PACSIN2: variants seen among roughly 807,000 people sequenced by gnomAD.
PACSIN2 encodes protein kinase C and casein kinase substrate in neurons 2.
In PACSIN2, 25 loss-of-function variants were observed where a neutral mutation model predicts 63.8. The observed-to-expected ratio is 0.39, with a 90% CI of 0.29 to 0.55. The LOEUF (loss-of-function observed/expected upper bound fraction) is 0.55. PACSIN2 is among the 20% of genes least tolerant of loss of function. PACSIN2 has a pLI of 0.62. For missense variants in PACSIN2, 518 were observed against 646.9 expected (o/e 0.80, Z 2.16); for synonymous variants, 255 against 256.2 (o/e 1.00, Z 0.05).
chr22:43,012,683 G>A (rs1462436056), intron 1 of PACSIN2, among the ~76,000 whole-genome samples: 1 of 148,224 alleles, frequency 6.7e-6, no homozygotes, highest in African/African-American at 2.5e-5. Flanking sequence ...CAGGAGTTTT[G>A]CTCTTGTTGC....
At chr22:42,955,579 T>G (rs1933882463) in intron 1 of PACSIN2, among the ~76,000 whole-genome samples, 2 of 152,132 alleles carry the variant, frequency 1.3e-5, no homozygotes, top group Admixed American at 1.3e-4. Flanking sequence ...AAATGCAAAC[T>G]CTTCAACCTC....
chr22:42,928,297 G>A (rs1340065702), intron 1 of PACSIN2, among the ~76,000 whole-genome samples: 1 of 152,190 alleles, frequency 6.6e-6, no homozygotes, highest in Non-Finnish European at 1.5e-5. Context: ...CTGAATCTGA[G>A]AGTGCTGTAG....
intron 1 of PACSIN2, among the ~76,000 whole-genome samples, chr22:42,979,962 A>G (rs1395495691): frequency 6.6e-6 from 1 of 152,196 alleles, no homozygotes; most frequent in African/African-American, 2.4e-5. Flanking sequence ...TACAATACAC[A>G]TATAGTATAA....
At position 42,974,652 on chromosome 22, in the gene PACSIN2, G is replaced by A. The variant is rs553378372; in HGVS notation, c.-78+40369C>T. Among the ~76,000 whole-genome samples the A allele has an allele frequency of 1.1e-3, 169 of 151,898 alleles. 1 individual carries two copies. The highest frequency in any genetic ancestry group is 3.7e-3 in the African/African-American group (152 of 41,376). On this transcript the variant is annotated intron_variant, in intron 1 of 10. Coordinates refer to ENST00000263246, the MANE Select transcript of PACSIN2 (RefSeq NM_001184970.3). ...TAATCCCAGCTACTCGGGTGGCTGA[G>A]GCACCGTAACTGCTTAAACCTGGGA...
At position 42,993,538 on chromosome 22, in the gene PACSIN2, T is replaced by C. The variant is rs1027411036; in HGVS notation, c.-78+21483A>G. The C allele has an allele frequency of 5.3e-5, 8 of 152,238 alleles. No homozygotes were observed. In the South Asian group the frequency reaches 1.0e-3, roughly 20 times the overall value. The allele number at this position is 152,238 out of a possible 1,614,324, so 9.4% of individuals were successfully genotyped here. A position where few individuals can be genotyped will look rare whatever the true frequency, so the allele number is the denominator to read the frequency against. On this transcript the variant is annotated intron_variant, in intron 1 of 10. Transcript: ENST00000263246. ...AGCTCTTTTCATCAACATGGAAAGA[T>C]AGGACATTTTAAAATGTAAAAGATA... is the stretch of plus-strand genomic sequence containing the variant.
At chr22:42,890,874 G>T in intron 4 of PACSIN2, 73 bp downstream of exon 4, 1 of 1,215,606 alleles carries the variant, frequency 8.2e-7, no homozygotes, top group Non-Finnish European at 1.2e-6. Flanking sequence ...AGTCCTAGGT[G>T]CAGGAGGTGG....
chr22:42,875,538 C>T (rs978962975), intron 10 of PACSIN2, among the ~76,000 whole-genome samples: 26 of 124,422 alleles, frequency 2.1e-4, no homozygotes, highest in African/African-American at 7.3e-4. Context: ...ATTAGCCCAG[C>T]TAATTTTTTT....
intron 1 of PACSIN2, among the ~76,000 whole-genome samples, chr22:43,008,359 G>A (rs997553173): frequency 6.6e-6 from 1 of 151,590 alleles, no homozygotes; most frequent in African/African-American, 2.4e-5. Context: ...CAAGCCATTC[G>A]CCTGCCTCAG....
chr22:42,989,950 A>G (rs1244556286), intron 1 of PACSIN2, among the ~76,000 whole-genome samples: 1 of 149,266 alleles, frequency 6.7e-6, no homozygotes, highest in African/African-American at 2.5e-5. Context: ...AGCCAGTTCA[A>G]GCATTTAAAC....
intron 1 of PACSIN2, among the ~76,000 whole-genome samples, chr22:43,003,312 A>T (rs1345560160): frequency 2.6e-5 from 4 of 152,240 alleles, no homozygotes; most frequent in Non-Finnish European, 5.9e-5. Flanking sequence ...TCCCAAGCAT[A>T]AAAACAAATA....
At chr22:42,994,197 G>A (rs916651784) in intron 1 of PACSIN2, among the ~76,000 whole-genome samples, 1 of 152,216 alleles carries the variant, frequency 6.6e-6, no homozygotes, top group East Asian at 1.9e-4. Context: ...AGTGCAGTGC[G>A]CTCCTGCTCA....
chr22:42,873,147 G>A (rs1462813434), intron 10 of PACSIN2, among the ~76,000 whole-genome samples: 1 of 152,214 alleles, frequency 6.6e-6, no homozygotes, highest in Non-Finnish European at 1.5e-5. Flanking sequence ...TTCACATTGT[G>A]CAAATGTGAA....
In PACSIN2 at chr22:42,880,501, G is replaced by C. The variant is rs74877980; in HGVS notation, c.907-1332C>G. 3 of 152,232 alleles carry C rather than the reference G, an allele frequency of 2.0e-5. No homozygotes were observed. In the East Asian group the frequency reaches 5.8e-4, roughly 29 times the overall value. 9.4% of individuals were successfully genotyped at this position (152,232 alleles called of 1,614,324 possible). On this transcript the variant is annotated intron_variant, in intron 7 of 10. Coordinates refer to ENST00000263246, the MANE Select transcript of PACSIN2 (RefSeq NM_001184970.3). Reference sequence around the variant, plus strand: ...GGCTCTCAATACCCCTGACAGCAGCGCAGCCTCAGCTGAACTGCTAGGAGC... The same window carrying C: ...GGCTCTCAATACCCCTGACAGCAGCCCAGCCTCAGCTGAACTGCTAGGAGC...
chr22:43,005,511 G>T (rs1347268953), intron 1 of PACSIN2, among the ~76,000 whole-genome samples: 1 of 152,142 alleles, frequency 6.6e-6, no homozygotes, highest in Non-Finnish European at 1.5e-5. Context: ...TAAGTGCCAG[G>T]ATATGAGGGG....
intron 1 of PACSIN2, among the ~76,000 whole-genome samples, chr22:42,967,113 GAA>G (rs11350719): frequency 2.6e-5 from 4 of 151,546 alleles, no homozygotes; most frequent in Admixed American, 2.0e-4. Flanking sequence ...CTCCGTAACA[GAA>G]ACTAGGCAGG....
In PACSIN2 at chr22:42,879,231, G is replaced by C. The variant is rs1307830591; in HGVS notation, c.907-62C>G. 14 of 1,573,998 alleles carry C rather than the reference G, an allele frequency of 8.9e-6. No individual in the cohort carries two copies. In the South Asian group the frequency reaches 1.6e-4, roughly 18 times the overall value. On this transcript the variant is annotated intron_variant, in intron 7 of 10. Coordinates refer to ENST00000263246, the MANE Select transcript of PACSIN2 (RefSeq NM_001184970.3). Reference sequence around the variant, plus strand: ...TCACTACTTGCTGGAAGCCACGTCTGTCCTCAGTTCCTGCCCAGCGAGCCT... The same window carrying C: ...TCACTACTTGCTGGAAGCCACGTCTCTCCTCAGTTCCTGCCCAGCGAGCCT...
intron 1 of PACSIN2, among the ~76,000 whole-genome samples, chr22:42,963,433 G>T (rs545178118): frequency 6.6e-6 from 1 of 152,160 alleles, no homozygotes; most frequent in Non-Finnish European, 1.5e-5. Flanking sequence ...TTCCCAGGGG[G>T]ATTCTTTCGC....
At chr22:42,986,580 A>G (rs1239760063) in intron 1 of PACSIN2, among the ~76,000 whole-genome samples, 2 of 152,126 alleles carry the variant, frequency 1.3e-5, no homozygotes, top group Non-Finnish European at 2.9e-5. Flanking sequence ...CATGCATGAC[A>G]GTGACACTCT....
Position 42,884,485 on chromosome 22 carries a change from A to C in PACSIN2, c.686T>G (p.Val229Gly), listed in dbSNP as rs1245859335. ...CTCGAACTGCTGGCACTGCTCAAAC[A>C]CCTGCTCCATGTTCTCCATGTACTG... is the stretch of plus-strand genomic sequence containing the variant. ...TPQYMENMEQ[V>G]FEQCQQFEEK... The change falls in exon 6 of 11, where the codon GTG (valine) becomes GGG (glycine). Residue 229 changes from valine to glycine, a missense_variant. Val to Gly is a moderately radical substitution (Grantham distance 109). This residue lies in a region of PACSIN2 where 507 missense variants were observed against 612.3 expected (regional missense o/e 0.83). Coordinates refer to ENST00000263246, the MANE Select transcript of PACSIN2 (RefSeq NM_001184970.3). The C allele has an allele frequency of 6.2e-7, 1 of 1,614,164 alleles. No homozygotes were observed. The highest frequency in any genetic ancestry group is 2.2e-5 in the East Asian group (1 of 44,892).
Sources: allele counts gnomAD v4.1 joint callset (sites outside exome capture counted in the v4.1 genomes callset), GRCh38; gene constraint gnomAD v4.1.1; regional missense constraint gnomAD v4.1.1; transcripts MANE v1.5; gene names NCBI Gene and HGNC (gene_info 2026-07-23, HGNC 2026-07-21).